SMYD3: variants seen among roughly 807,000 people sequenced by gnomAD.
SMYD3 encodes the protein SET and MYND domain containing 3.
In SMYD3, 36 loss-of-function variants were observed where a neutral mutation model predicts 57.7. The observed-to-expected ratio is 0.62, with a 90% CI of 0.48 to 0.82. The LOEUF (loss-of-function observed/expected upper bound fraction) is 0.82, where lower values mean the gene tolerates loss of function less well. Ranked by LOEUF, SMYD3 falls within the 40% of genes least tolerant of loss-of-function variation. SMYD3 has a pLI of 0.00. For missense variants in SMYD3, 515 were observed against 538.8 expected (o/e 0.96, Z 0.44); for synonymous variants, 211 against 195.0 (o/e 1.08, Z -0.68).
At chr1:246,036,606 T>C (rs1388342228) in intron 5 of SMYD3, among the ~76,000 whole-genome samples, 4 of 151,458 alleles carry the variant, frequency 2.6e-5, no homozygotes, top group Admixed American at 2.0e-4. Flanking sequence ...CAGGCTGGAG[T>C]GCAGTGGTGC....
At chr1:246,254,081 C>T (rs1412455743) in intron 5 of SMYD3, among the ~76,000 whole-genome samples, 1 of 152,126 alleles carries the variant, frequency 6.6e-6, no homozygotes, top group Non-Finnish European at 1.5e-5. Flanking sequence ...AGTTTGCCAA[C>T]ATTTTCTCTC....
chr1:245,847,862 C>T (rs1483778809), intron 10 of SMYD3, among the ~76,000 whole-genome samples: 2 of 152,162 alleles, frequency 1.3e-5, no homozygotes, highest in South Asian at 2.1e-4. Context: ...GAAATGCTTT[C>T]ACAACATAGG....
In SMYD3 at chr1:246,175,165, A is replaced by T. The variant is rs988884197; in HGVS notation, c.531+152036T>A. On this transcript the variant is annotated intron_variant, in intron 5 of 11. Transcript: ENST00000490107. Reference sequence around the variant, plus strand: ...AGAAAACGCACTGGTGATACAGACAAACATTCATTTATTTACAAAATCGTA... The same window carrying T: ...AGAAAACGCACTGGTGATACAGACATACATTCATTTATTTACAAAATCGTA... Among the ~76,000 whole-genome samples the T allele has an allele frequency of 4.1e-4, 63 of 152,206 alleles. 1 individual carries two copies. Among genetic ancestry groups the T allele is most frequent in the African/African-American group, 1.4e-3 (58 of 41,448 alleles).
intron 10 of SMYD3, among the ~76,000 whole-genome samples, chr1:245,795,275 G>A (rs1259164680): frequency 6.6e-6 from 1 of 152,188 alleles, no homozygotes; most frequent in Non-Finnish European, 1.5e-5. Context: ...AGACTCACAA[G>A]CTTCATGTCG....
chr1:246,013,953 GA>G (rs1188355171), intron 5 of SMYD3, among the ~76,000 whole-genome samples: 3 of 152,140 alleles, frequency 2.0e-5, no homozygotes, highest in Non-Finnish European at 4.4e-5. Flanking sequence ...GAATACAGAG[GA>G]AAAAATTAAA....
At chr1:245,979,953 C>T (rs1490429986) in intron 5 of SMYD3, among the ~76,000 whole-genome samples, 2 of 152,338 alleles carry the variant, frequency 1.3e-5, no homozygotes, top group East Asian at 1.9e-4. Context: ...GGGTGAGAAG[C>T]GCAGCTTCTG....
At chr1:246,024,408 G>GAAC (rs1231622890) in intron 5 of SMYD3, among the ~76,000 whole-genome samples, 3 of 528 alleles carry the variant, frequency 5.7e-3, no homozygotes, top group African/African-American at 0.021. Context: ...ATCTAGGAAG[G>GAAC]AGATACAGGA....
intron 10 of SMYD3, among the ~76,000 whole-genome samples, chr1:245,770,623 G>A (rs959387559): frequency 2.0e-5 from 3 of 151,836 alleles, no homozygotes; most frequent in African/African-American, 7.3e-5. Context: ...ATTATAACCC[G>A]GCATACAAAA....
chr1:246,200,988 A>G (rs2062914260), intron 5 of SMYD3, among the ~76,000 whole-genome samples: 1 of 152,214 alleles, frequency 6.6e-6, no homozygotes, highest in South Asian at 2.1e-4. Flanking sequence ...ATGTTTCTTG[A>G]CAACGAGGAT....
At chr1:246,078,317 C>G (rs1403859136) in intron 5 of SMYD3, among the ~76,000 whole-genome samples, 1 of 152,076 alleles carries the variant, frequency 6.6e-6, no homozygotes, top group Non-Finnish European at 1.5e-5. Context: ...ACTAAAGTTC[C>G]AAACTGAAAC....
At chr1:246,255,927 A>AAGATGGATAGAT (rs573628788) in intron 5 of SMYD3, among the ~76,000 whole-genome samples, 6 of 121,242 alleles carry the variant, frequency 4.9e-5, no homozygotes, top group African/African-American at 1.3e-4. Context: ...CATAACTAAT[A>AAGATGGATAGAT]AGATAGATAG....
At chr1:246,109,696 T>C (rs2061197164) in intron 5 of SMYD3, 1 of 152,234 alleles carries the variant, frequency 6.6e-6, no homozygotes, top group Non-Finnish European at 1.5e-5. Flanking sequence ...GACCTAGTTT[T>C]CAATTATTAC....
chr1:245,881,432 C>T (rs2148549722), intron 8 of SMYD3, among the ~76,000 whole-genome samples: 1 of 152,264 alleles, frequency 6.6e-6, no homozygotes, highest in Admixed American at 6.5e-5. Context: ...CCTGATAGCC[C>T]ATTGTTTAAA....
At chr1:246,221,905 C>T (rs1036970499) in intron 5 of SMYD3, among the ~76,000 whole-genome samples, 11 of 152,172 alleles carry the variant, frequency 7.2e-5, no homozygotes, top group East Asian at 1.9e-4. Context: ...CACATGTTTC[C>T]GGCCAGAAAA....
intron 5 of SMYD3, among the ~76,000 whole-genome samples, chr1:246,119,642 A>G (rs968280740): frequency 6.6e-6 from 1 of 150,784 alleles, no homozygotes; most frequent in African/African-American, 2.4e-5. Context: ...CGAACTCCTG[A>G]CCTCAGGTGG....
At chr1:246,289,492 C>T (rs968703479) in intron 5 of SMYD3, among the ~76,000 whole-genome samples, 4 of 152,158 alleles carry the variant, frequency 2.6e-5, no homozygotes, top group African/African-American at 9.7e-5. Context: ...GCCTGGTTTC[C>T]TCATTAATAA....
chr1:245,846,568 GGA>G (rs950430430), intron 10 of SMYD3, among the ~76,000 whole-genome samples: 1 of 152,196 alleles, frequency 6.6e-6, no homozygotes, highest in African/African-American at 2.4e-5. Flanking sequence ...GCTCCGTCAT[GGA>G]GTGTGCAAGT....
chr1:245,796,460 A>G (rs1184383157), intron 10 of SMYD3, among the ~76,000 whole-genome samples: 1 of 152,188 alleles, frequency 6.6e-6, no homozygotes, highest in African/African-American at 2.4e-5. Flanking sequence ...TTTAATGAAC[A>G]GTAAAGAACT....
chr1:246,481,613 T>C (rs1234454810), intron 1 of SMYD3, among the ~76,000 whole-genome samples: 963 of 95,644 alleles, frequency 0.01, 40 homozygotes, highest in African/African-American at 0.046. Context: ...TATATACACA[T>C]ACATATATAC....
Sources: gnomAD v4.1 joint callset for allele counts (sites outside exome capture counted in the v4.1 genomes callset) on GRCh38, gnomAD v4.1.1 for gene constraint, MANE v1.5 for transcripts, NCBI Gene and HGNC (gene_info 2026-07-23, HGNC 2026-07-21) for gene names.